Variants in SYMPK observed in about 807,000 individuals in gnomAD.
The protein encoded by SYMPK is symplekin scaffold protein.
Under a neutral mutation model 136.4 loss-of-function variants are expected in SYMPK, and 49 were observed. That is an observed-to-expected ratio of 0.36 (90% CI 0.29 to 0.46). The LOEUF (loss-of-function observed/expected upper bound fraction) is 0.46. SYMPK is among the 20% of genes least tolerant of loss of function. The pLI, the probability that SYMPK is intolerant of heterozygous loss-of-function variation, is 1.00. For synonymous variants in SYMPK, 766 were observed against 713.0 expected, an observed-to-expected ratio of 1.07 and a Z score of -1.19; for missense variants, 1,365 against 1,690.0, an observed-to-expected ratio of 0.81 and a Z score of 3.37.
intron 7 of SYMPK, among the ~76,000 whole-genome samples, chr19:45,845,918 T>A (rs1971548208): frequency 6.6e-6 from 1 of 152,174 alleles, no homozygotes; most frequent in South Asian, 2.1e-4. Flanking sequence ...CATTGTAGTT[T>A]TGACTTGAAC....
intron 9 of SYMPK, among the ~76,000 whole-genome samples, chr19:45,841,495 G>T: frequency 6.6e-6 from 1 of 151,958 alleles, no homozygotes; most frequent in East Asian, 1.9e-4. Flanking sequence ...GTTTTTCCAT[G>T]TTGGCCAGGC....
rs1600505837 is a variant in SYMPK, at chr19:45,831,325, A to G, written c.1598+59T>C. ...CGCACACGCACACGCACACGAGCTG[A>G]GAACCAGACCTTCAGGGTAGGGCTC... is the stretch of plus-strand genomic sequence containing the variant. On this transcript the variant is annotated intron_variant, in intron 12 of 26. Coordinates refer to ENST00000245934, the MANE Select transcript of SYMPK (RefSeq NM_004819.3). 3.6e-6 allele frequency: 5 copies of G among 1,395,884 alleles called. No individual in the cohort carries two copies. The East Asian group carries it at 1.3e-4, about 35-fold the overall frequency. The allele number at this position is 1,395,884 out of a possible 1,614,324, so 86.5% of individuals were successfully genotyped here.
chr19:45,851,528 A>G (rs560488905), intron 5 of SYMPK, among the ~76,000 whole-genome samples: 2 of 151,830 alleles, frequency 1.3e-5, no homozygotes, highest in African/African-American at 4.8e-5. Flanking sequence ...TAATGAGCCA[A>G]GATTGCGCCA....
intron 1 of SYMPK, among the ~76,000 whole-genome samples, chr19:45,860,082 C>T (rs1190678446): frequency 6.7e-5 from 10 of 149,654 alleles, no homozygotes; most frequent in Non-Finnish European, 1.3e-4. Context: ...ATTGGGCCAC[C>T]GTAGTCCAAC....
Position 45,825,305 on chromosome 19 carries a change from TCTC to T in SYMPK, c.2353_2355del (p.Glu785del). On this transcript the variant is annotated inframe_deletion, in exon 18 of 27. Transcript: ENST00000245934. ...TAGAGGTACAGACACTGCTTCACTG[TCTC>T]CTCCGTCCAGGGTGCTGCCACCTCT... 1 of 1,613,980 alleles carries T rather than the reference TCTC, an allele frequency of 6.2e-7. No individual in the cohort carries two copies. The highest frequency in any genetic ancestry group is 8.5e-7 in the Non-Finnish European group (1 of 1,179,960).
chr19:45,854,039 G>A, intron 3 of SYMPK, 136 bp downstream of exon 3: 1 of 806,356 alleles, frequency 1.2e-6, no homozygotes, highest in Non-Finnish European at 2.1e-6. Context: ...GAAGAGCAGA[G>A]GCCTGCACTG....
chr19:45,863,033 G>A, intron 1 of SYMPK, 25 bp downstream of exon 1: 1 of 401,294 alleles, frequency 2.5e-6, no homozygotes, highest in Non-Finnish European at 4.4e-6. Flanking sequence ...TTCGTCTCCG[G>A]GCCCAAACGC....
chr19:45,827,494 TGGA>T lies in SYMPK; in HGVS notation c.2181+13_2181+15del, dbSNP rs1237897964. The T allele has an allele frequency of 4.4e-6, 7 of 1,599,352 alleles. No individual in the cohort carries two copies. The highest frequency in any genetic ancestry group is 1.1e-5 in the South Asian group (1 of 90,690). ...CTGCAGGCTGAGGGCAGCCAGGAAG[TGGA>T]GGAGGGGATCACCTTGTCCTTCTCA... On this transcript the variant is annotated intron_variant, in intron 16 of 26. Coordinates refer to ENST00000245934, the MANE Select transcript of SYMPK (RefSeq NM_004819.3).
At chr19:45,817,404 GTTTTTTTGTTCTCTTTTTTTTTTT>G (rs1264691310) in intron 23 of SYMPK, among the ~76,000 whole-genome samples, 1 of 142,196 alleles carries the variant, frequency 7.0e-6, no homozygotes, top group Non-Finnish European at 1.5e-5. Flanking sequence ...GCGGGGTTTG[GTTTTTTTGTTCTCTTTTTTTTTTT>G]TTTTTTTTTT....
Position 45,816,824 on chromosome 19 carries a change from G to A in SYMPK, c.3232C>T (p.His1078Tyr), listed in dbSNP as rs199742453. The change falls in exon 24 of 27, where the codon CAT (histidine) becomes TAT (tyrosine). Residue 1078 changes from histidine (H) to tyrosine (Y), a missense_variant. Coordinates refer to ENST00000245934, the MANE Select transcript of SYMPK (RefSeq NM_004819.3). ...CPELREPLLA[H>Y]VRSFTPHQQA... is the part of the protein sequence containing the mutation. Reference sequence around the variant, plus strand: ...TGGTGGGGGGTGAAGGAGCGGACATGGGCCAGCAGGGGCTCCCGGAGCTCT... The same window carrying A: ...TGGTGGGGGGTGAAGGAGCGGACATAGGCCAGCAGGGGCTCCCGGAGCTCT... 44 of 1,542,854 alleles carry A rather than the reference G, an allele frequency of 2.9e-5. No individual in the cohort carries two copies. The highest frequency in any genetic ancestry group is 2.6e-6 in the Non-Finnish European group (3 of 1,144,088).
Position 45,826,983 on chromosome 19 carries a change from G to A in SYMPK, c.2181+527C>T, listed in dbSNP as rs531442979. Among the ~76,000 whole-genome samples, 64 of 152,290 alleles carry A rather than the reference G, an allele frequency of 4.2e-4. 1 individual carries two copies. Among genetic ancestry groups the A allele is most frequent in the Admixed American group, 2.8e-3 (43 of 15,300 alleles). ...AGCTACTGATTTTCCAGGTCTCAGC[G>A]TACAAGTCCCCTCCTTGAAAGAAGC... On this transcript the variant is annotated intron_variant, in intron 16 of 26. Coordinates refer to ENST00000245934, the MANE Select transcript of SYMPK (RefSeq NM_004819.3).
At chr19:45,818,204 G>A in intron 22 of SYMPK, 58 bp from the exon 23 acceptor site, 1 of 1,469,428 alleles carries the variant, frequency 6.8e-7, no homozygotes, top group Non-Finnish European at 9.1e-7. Flanking sequence ...CTGGGAGGTG[G>A]GAGTCCCGGC....
At chr19:45,857,518 G>A (rs1398289991) in intron 1 of SYMPK, among the ~76,000 whole-genome samples, 3 of 150,770 alleles carry the variant, frequency 2.0e-5, no homozygotes, top group East Asian at 2.0e-4. Flanking sequence ...TTGAGATGGA[G>A]TCTTGCACTG....
chr19:45,817,858 T>C, intron 23 of SYMPK, 101 bp downstream of exon 23: 1 of 1,242,668 alleles, frequency 8.0e-7, no homozygotes, highest in Non-Finnish European at 1.1e-6. Flanking sequence ...CCTGCTGTCC[T>C]CCACCGGGCT....
intron 6 of SYMPK, 68 bp downstream of exon 6, chr19:45,848,682 C>T (rs1719893113): frequency 6.2e-7 from 1 of 1,602,682 alleles, no homozygotes; most frequent in African/African-American, 1.3e-5. Context: ...GGTTTTGAAC[C>T]CCAACATATT....
rs764994959 is a variant in SYMPK, at chr19:45,821,529, C to T, written c.2792-44G>A. ...AGGGTGGGGGAAGACAGTGCGGACGCATAAGTGAAGAGATGGGTCTGAGTT... is the reference window on the plus strand; with the variant it reads ...AGGGTGGGGGAAGACAGTGCGGACGTATAAGTGAAGAGATGGGTCTGAGTT... On this transcript the variant is annotated intron_variant, in intron 21 of 26. Coordinates refer to ENST00000245934, the MANE Select transcript of SYMPK (RefSeq NM_004819.3). This position sits in a 1 kb window ranked among gnomAD's most constrained non-coding sequence, Gnocchi z 4.4. 2 of 1,389,670 alleles carry T rather than the reference C, an allele frequency of 1.4e-6. No homozygotes were observed. Among genetic ancestry groups the T allele is most frequent in the South Asian group, 1.2e-5 (1 of 85,192 alleles). The allele number at this position is 1,389,670 out of a possible 1,614,324, so 86.1% of individuals were successfully genotyped here.
intron 25 of SYMPK, 73 bp downstream of exon 25, chr19:45,816,409 T>C (rs555969133): frequency 6.6e-7 from 1 of 1,522,730 alleles, no homozygotes; most frequent in South Asian, 1.2e-5. Flanking sequence ...GAGGAGGCCA[T>C]GGTGAGCCTT....
Position 45,815,910 on chromosome 19 carries a change from C to G in SYMPK, c.3628G>C (p.Asp1210His). Residue 1210 changes from aspartate to histidine, a missense_variant, in exon 26 of 27, where the codon GAC (aspartate) becomes CAC (histidine). Physicochemically the swap from Asp to His is moderately conservative, Grantham distance 81 (BLOSUM62 -1). Coordinates refer to ENST00000245934, the MANE Select transcript of SYMPK (RefSeq NM_004819.3). The stretch of plus-strand genomic sequence containing the variant: ...AGCGCGGCCTCGGTCAGCCCCGAGT[C>G]GTCATCCATGCTGATGAAGATGCCC... Reference protein sequence around the residue: ...TPGIFISMDDDSGLTEAALLD... With the variant: ...TPGIFISMDDHSGLTEAALLD... 1 of 1,612,332 alleles carries G rather than the reference C, an allele frequency of 6.2e-7. No homozygotes were observed. Among genetic ancestry groups the G allele is most frequent in the Non-Finnish European group, 8.5e-7 (1 of 1,179,892 alleles).
At chr19:45,817,088 C>T in intron 23 of SYMPK, 114 bp from the exon 24 acceptor site, 5 of 1,107,846 alleles carry the variant, frequency 4.5e-6, no homozygotes, top group Non-Finnish European at 6.4e-6. Context: ...ATCCAAGATT[C>T]CTCTGGATGG....
Sources: allele counts gnomAD v4.1 joint callset (sites outside exome capture counted in the v4.1 genomes callset), GRCh38; gene constraint gnomAD v4.1.1; non-coding constraint Gnocchi (gnomAD v3.1); transcripts MANE v1.5; gene names NCBI Gene and HGNC (gene_info 2026-07-23, HGNC 2026-07-21).